The following MAPK8 variants were observed in gnomAD, a reference collection of about 807,000 sequenced individuals.
MAPK8 encodes the protein mitogen-activated protein kinase 8.
MAPK8 carries 13 observed loss-of-function variants against 52.9 expected under a neutral mutation model. The ratio of observed to expected loss-of-function variants is 0.25; its 90% CI spans 0.16 to 0.39. The LOEUF is 0.39. Among genes scored for constraint, MAPK8 ranks in the 10% least tolerant of loss-of-function variants. The probability of loss-of-function intolerance (pLI) is 1.00; values close to 1 mark genes in which losing one functional copy is unlikely to be tolerated. For missense variants in MAPK8, 300 were observed against 519.2 expected (o/e 0.58, Z 4.10); for synonymous variants, 191 against 169.8 (o/e 1.12, Z -0.97).
At chr10:48,316,861 C>A (rs142823604) in intron 1 of MAPK8, among the ~76,000 whole-genome samples, 3 of 152,232 alleles carry the variant, frequency 2.0e-5, no homozygotes, top group African/African-American at 7.2e-5. Context: ...TACTGAAGGA[C>A]GCATACATCG....
intron 1 of MAPK8, among the ~76,000 whole-genome samples, chr10:48,376,183 A>G (rs978056419): frequency 6.6e-6 from 1 of 152,226 alleles, no homozygotes; most frequent in Non-Finnish European, 1.5e-5. Context: ...CTGGCTAGCC[A>G]TATGCAGAAA....
At chr10:48,335,210 T>C (rs1844572152) in intron 1 of MAPK8, among the ~76,000 whole-genome samples, 1 of 152,214 alleles carries the variant, frequency 6.6e-6, no homozygotes. Context: ...GGTTTTCCTT[T>C]TTTTTAAATT....
intron 2 of MAPK8, among the ~76,000 whole-genome samples, chr10:48,403,917 T>TTGTGTGTATG (rs2042302536): frequency 8.0e-6 from 1 of 125,672 alleles, no homozygotes. Context: ...CCCGGCTAAT[T>TTGTGTGTATG]TGTGTGTGTG....
chr10:48,407,484 T>C (rs1303290726), intron 3 of MAPK8, among the ~76,000 whole-genome samples: 1 of 152,236 alleles, frequency 6.6e-6, no homozygotes, highest in Non-Finnish European at 1.5e-5. Flanking sequence ...GAAGTAGTTA[T>C]ATACCACTAC....
In MAPK8 at chr10:48,404,846, T is replaced by C. The variant is rs757120367; in HGVS notation, c.123-6T>C. 9.5e-6 allele frequency: 15 copies of C among 1,587,228 alleles called. No individual in the cohort carries two copies. The highest frequency in any genetic ancestry group is 5.6e-5 in the Admixed American group (3 of 53,274). On this transcript the variant is annotated splice_polypyrimidine_tract_variant and splice_region_variant and intron_variant, in intron 2 of 11. Coordinates refer to ENST00000374189, the MANE Select transcript of MAPK8 (RefSeq NM_001323329.2). ...TTTTTGTGTGTTTTTGAATTTCTTATTACAGCGCAGCTTATGATGCCATTC... is the reference window on the plus strand; with the variant it reads ...TTTTTGTGTGTTTTTGAATTTCTTACTACAGCGCAGCTTATGATGCCATTC...
intron 1 of MAPK8, among the ~76,000 whole-genome samples, chr10:48,314,030 T>C (rs1842250082): frequency 6.6e-6 from 1 of 152,180 alleles, no homozygotes; most frequent in Admixed American, 6.5e-5. Flanking sequence ...ATGGCATGCT[T>C]TTTTAACATC....
At chr10:48,405,085 A>G (rs1171603333) in intron 3 of MAPK8, 104 bp downstream of exon 3, 8 of 502,742 alleles carry the variant, frequency 1.6e-5, no homozygotes, top group Non-Finnish European at 2.7e-5. Context: ...ATTGTTCTGT[A>G]TTAAAACATT....
rs73294824 is a variant in MAPK8, at chr10:48,354,860, G to A, written c.-49-46752G>A. ...CCATAATGGCAGTATACATAGACTG[G>A]CAGTGAGTATCCCCAGACTCTTGTA... On this transcript the variant is annotated intron_variant, in intron 1 of 11. Transcript: ENST00000374189. Among the ~76,000 whole-genome samples the A allele has an allele frequency of 3.5e-3, 532 of 152,148 alleles. 5 individuals carry two copies. Among genetic ancestry groups the A allele is most frequent in the African/African-American group, 0.012 (519 of 41,542 alleles).
intron 1 of MAPK8, among the ~76,000 whole-genome samples, chr10:48,342,748 C>T (rs1044098586): frequency 5.3e-5 from 8 of 152,078 alleles, no homozygotes; most frequent in African/African-American, 1.9e-4. Context: ...GAGACAACAC[C>T]GGAAGAGGAC....
At chr10:48,425,347 A>T (rs2043615579) in intron 7 of MAPK8, 2 of 484,624 alleles carry the variant, frequency 4.1e-6, no homozygotes, top group Admixed American at 3.8e-5. Context: ...GCTTTAGAAA[A>T]TTTTTTTAAA....
At chr10:48,376,451 A>C (rs11101307) in intron 1 of MAPK8, among the ~76,000 whole-genome samples, 1 of 152,206 alleles carries the variant, frequency 6.6e-6, no homozygotes, top group Non-Finnish European at 1.5e-5. Context: ...CAAGCAGCCT[A>C]CAGAATGGGA....
chr10:48,426,574 G>A, intron 9 of MAPK8, 70 bp downstream of exon 9: 1 of 1,420,502 alleles, frequency 7.0e-7, no homozygotes, highest in Admixed American at 2.4e-5. Context: ...TAGGTTTGGA[G>A]GAGACCTTTT....
intron 1 of MAPK8, among the ~76,000 whole-genome samples, chr10:48,362,419 C>T (rs936652935): frequency 6.6e-6 from 1 of 151,918 alleles, no homozygotes; most frequent in African/African-American, 2.4e-5. Context: ...TAACTAGTTT[C>T]TCTATTTCTT....
chr10:48,313,409 G>A (rs748518767), intron 1 of MAPK8, among the ~76,000 whole-genome samples: 8 of 182 alleles, frequency 0.044, no homozygotes, highest in Non-Finnish European at 0.074. Flanking sequence ...CTCCAGCCTG[G>A]GCGGCAGAGG....
chr10:48,423,295 C>T (rs552337761), intron 6 of MAPK8, among the ~76,000 whole-genome samples: 1 of 152,154 alleles, frequency 6.6e-6, no homozygotes, highest in Non-Finnish European at 1.5e-5. Flanking sequence ...ATACTCAATT[C>T]GTGGGAACTG....
rs775931291 is a variant in MAPK8, at chr10:48,426,424, G to T, written c.916G>T (p.Ala306Ser). 5.0e-6 allele frequency: 8 copies of T among 1,610,270 alleles called. No homozygotes were observed. The highest frequency in any genetic ancestry group is 6.8e-6 in the Non-Finnish European group (8 of 1,177,914). The change falls in exon 9 of 12, where the codon GCA becomes TCA. Residue 306 changes from alanine (A) to serine (S), a missense_variant. Transcript: ENST00000374189. The stretch of plus-strand genomic sequence containing the variant: ...GTTATCCAAAATGCTGGTAATAGAT[G>T]CATCTAAAAGGATCTCTGTAGATGA... ...DLLSKMLVID[A>S]SKRISVDEAL... is the part of the protein sequence containing the mutation.
chr10:48,315,875 G>T (rs567257749), intron 1 of MAPK8, among the ~76,000 whole-genome samples: 1 of 151,842 alleles, frequency 6.6e-6, no homozygotes, highest in African/African-American at 2.4e-5. Flanking sequence ...TTATAGTGGT[G>T]ATTTTAGAAG....
intron 1 of MAPK8, among the ~76,000 whole-genome samples, chr10:48,347,061 TTGTCTCTTTGTCTTG>T (rs1213575088): frequency 6.6e-6 from 1 of 152,150 alleles, no homozygotes; most frequent in Non-Finnish European, 1.5e-5. Flanking sequence ...GCTTTTTCTC[TTGTCTCTTTGTCTTG>T]TGTCTTTATT....
chr10:48,355,612 GAAACA>G (rs1846832210), intron 1 of MAPK8, among the ~76,000 whole-genome samples: 1 of 151,704 alleles, frequency 6.6e-6, no homozygotes. Context: ...GCATTCAAGA[GAAACA>G]GTTGAAAAGT....
Sources: allele counts gnomAD v4.1 joint callset (sites outside exome capture counted in the v4.1 genomes callset), GRCh38; gene constraint gnomAD v4.1.1; transcripts MANE v1.5; gene names NCBI Gene and HGNC (gene_info 2026-07-23, HGNC 2026-07-21).